MBD5: variants seen among roughly 807,000 people sequenced by gnomAD.
The protein encoded by MBD5 is methyl-CpG binding domain protein 5.
In MBD5, 13 loss-of-function variants were observed where a neutral mutation model predicts 117.3. The ratio of observed to expected loss-of-function variants is 0.11; its 90% CI spans 0.07 to 0.18. MBD5 has a LOEUF of 0.18. Ranked by LOEUF, MBD5 falls within the 10% of genes least tolerant of loss-of-function variation. MBD5 has a pLI of 1.00. For synonymous variants in MBD5, 727 were observed against 766.4 expected (o/e 0.95, Z 0.85); for missense variants, 1,879 against 2,093.8 (o/e 0.90, Z 2.00).
chr2:148,422,587 G>A (rs1168598813), intron 4 of MBD5, among the ~76,000 whole-genome samples: 1 of 152,182 alleles, frequency 6.6e-6, no homozygotes, highest in African/African-American at 2.4e-5. Context: ...GAATGAGTTT[G>A]ACGAATTGAC....
intron 2 of MBD5, among the ~76,000 whole-genome samples, chr2:148,228,039 A>C (rs1699881726): frequency 1.3e-5 from 2 of 152,206 alleles, no homozygotes; most frequent in African/African-American, 4.8e-5. Context: ...CTAGATATAC[A>C]ATCATGTCCT....
intron 4 of MBD5, among the ~76,000 whole-genome samples, chr2:148,360,590 T>A (rs916586852): frequency 7.9e-5 from 12 of 152,188 alleles, no homozygotes; most frequent in Admixed American, 2.0e-4. Context: ...CTGGTGGCTA[T>A]ACAGAAATCT....
chr2:148,102,683 A>ACACACT (rs1418889655), intron 1 of MBD5, among the ~76,000 whole-genome samples: 5 of 148,442 alleles, frequency 3.4e-5, no homozygotes, highest in African/African-American at 1.3e-4. Context: ...ACACACACAC[A>ACACACT]CAGAGAGAGA....
At chr2:148,146,816 C>T (rs1697480491) in intron 1 of MBD5, among the ~76,000 whole-genome samples, 1 of 152,040 alleles carries the variant, frequency 6.6e-6, no homozygotes, top group Non-Finnish European at 1.5e-5. Context: ...ATAAGATAGT[C>T]TCAATTAACC....
At chr2:148,249,055 A>G (rs940439679) in intron 3 of MBD5, among the ~76,000 whole-genome samples, 1 of 152,156 alleles carries the variant, frequency 6.6e-6, no homozygotes, top group Non-Finnish European at 1.5e-5. Flanking sequence ...TACAAATTTT[A>G]GGAGAACATC....
At chr2:148,486,513 A>T (rs1681345721) in intron 10 of MBD5, among the ~76,000 whole-genome samples, 1 of 152,212 alleles carries the variant, frequency 6.6e-6, no homozygotes, top group Admixed American at 6.6e-5. Context: ...ATAAAAATTT[A>T]AAATCTCTGT....
intron 7 of MBD5, among the ~76,000 whole-genome samples, chr2:148,464,261 G>A (rs1293001114): frequency 2.0e-5 from 3 of 152,138 alleles, no homozygotes; most frequent in Non-Finnish European, 2.9e-5. Flanking sequence ...GGATTGGAAT[G>A]TGTGGTATCA....
intron 4 of MBD5, among the ~76,000 whole-genome samples, chr2:148,430,349 T>TA (rs1006152706): frequency 6.6e-6 from 1 of 152,162 alleles, no homozygotes; most frequent in Non-Finnish European, 1.5e-5. Context: ...GATGTAATCC[T>TA]AGCAGTCTGG....
intron 4 of MBD5, among the ~76,000 whole-genome samples, chr2:148,367,701 T>C (rs1485484540): frequency 1.3e-5 from 2 of 152,178 alleles, no homozygotes; most frequent in African/African-American, 2.4e-5. Flanking sequence ...AGAAGACATT[T>C]ATGCAGCCAA....
chr2:148,049,632 T>C (rs544277076), intron 1 of MBD5, among the ~76,000 whole-genome samples: 1 of 152,304 alleles, frequency 6.6e-6, no homozygotes, highest in African/African-American at 2.4e-5. Flanking sequence ...ATTCACATTT[T>C]TGTGGAGCCA....
At chr2:148,486,185 C>T (rs1235163745) in intron 10 of MBD5, among the ~76,000 whole-genome samples, 1 of 152,072 alleles carries the variant, frequency 6.6e-6, no homozygotes, top group Non-Finnish European at 1.5e-5. Context: ...AAAAACTGAT[C>T]GTGTGACCCT....
chr2:148,241,865 G>A (rs1211961690), intron 3 of MBD5, among the ~76,000 whole-genome samples: 1 of 152,086 alleles, frequency 6.6e-6, no homozygotes, highest in Non-Finnish European at 1.5e-5. Flanking sequence ...TTTGCTTATT[G>A]GCTTTAGTAT....
intron 4 of MBD5, chr2:148,346,390 G>C (rs193197156): frequency 6.6e-6 from 1 of 151,814 alleles, no homozygotes; most frequent in East Asian, 1.9e-4. Context: ...AAATGGAATC[G>C]GTAGATCAAA....
chr2:148,456,911 A>T (rs564639861), intron 4 of MBD5, among the ~76,000 whole-genome samples: 45 of 152,270 alleles, frequency 3.0e-4, no homozygotes, highest in African/African-American at 7.5e-4. Flanking sequence ...CCTTTACTGC[A>T]AGGTGGTCTC....
In MBD5 at chr2:148,408,492, A is replaced by G. The variant is rs77998106; in HGVS notation, c.-556-49711A>G. On this transcript the variant is annotated intron_variant, in intron 4 of 13. Transcript: ENST00000642680. ...TAATTTTAAGCATTTTGTGTCATCA[A>G]ATAAAAATCTTGGATTATAATCTAT... is the stretch of plus-strand genomic sequence containing the variant. Among the ~76,000 whole-genome samples, 1,392 of 152,300 alleles carry G rather than the reference A, an allele frequency of 9.1e-3. 23 individuals carry two copies. The highest frequency in any genetic ancestry group is 0.03 in the African/African-American group (1,264 of 41,568).
intron 1 of MBD5, among the ~76,000 whole-genome samples, chr2:148,132,469 G>A (rs1433734498): frequency 6.6e-6 from 1 of 151,494 alleles, no homozygotes; most frequent in South Asian, 2.1e-4. Flanking sequence ...CGTCCATATG[G>A]CAATTCTGAA....
chr2:148,495,469 C>T (rs531351929), intron 11 of MBD5, among the ~76,000 whole-genome samples: 45 of 152,138 alleles, frequency 3.0e-4, no homozygotes, highest in Admixed American at 5.2e-4. Flanking sequence ...AGCATCCTCC[C>T]ATTGGTCTTC....
At chr2:148,291,635 T>C (rs1055084166) in intron 3 of MBD5, among the ~76,000 whole-genome samples, 2 of 152,184 alleles carry the variant, frequency 1.3e-5, no homozygotes, top group African/African-American at 4.8e-5. Context: ...TTTAGAACAT[T>C]CCTTTGGCTT....
chr2:148,442,123 G>T (rs975740358), intron 4 of MBD5, among the ~76,000 whole-genome samples: 1 of 151,486 alleles, frequency 6.6e-6, no homozygotes, highest in African/African-American at 2.4e-5. Flanking sequence ...GATCCCATTT[G>T]TCAATTTTGG....
Sources: allele counts gnomAD v4.1 joint callset (sites outside exome capture counted in the v4.1 genomes callset), GRCh38; gene constraint gnomAD v4.1.1; transcripts MANE v1.5; gene names NCBI Gene and HGNC (gene_info 2026-07-23, HGNC 2026-07-21).